UBE2O: variants seen among roughly 807,000 people sequenced by gnomAD.
The protein encoded by UBE2O is ubiquitin conjugating enzyme E2 O.
UBE2O carries 15 observed loss-of-function variants against 125.8 expected under a neutral mutation model. The ratio of observed to expected loss-of-function variants is 0.12; its 90% CI spans 0.08 to 0.18. UBE2O has a LOEUF of 0.18. Among genes scored for constraint, UBE2O ranks in the 10% least tolerant of loss-of-function variants. The pLI is 1.00. For missense variants in UBE2O, 1,280 were observed against 1,723.6 expected (o/e 0.74, Z 4.56); for synonymous variants, 708 against 703.2 (o/e 1.01, Z -0.11).
At chr17:76,407,991 G>A (rs931580264) in intron 1 of UBE2O, among the ~76,000 whole-genome samples, 3 of 152,224 alleles carry the variant, frequency 2.0e-5, no homozygotes, top group African/African-American at 7.2e-5. Context: ...CTTCCACTGG[G>A]AATTAGAACC....
chr17:76,401,048 A>G lies in UBE2O; in HGVS notation c.857T>C (p.Leu286Pro). The G allele has an allele frequency of 6.2e-7, 1 of 1,613,868 alleles. No individual in the cohort carries two copies. The highest frequency in any genetic ancestry group is 1.1e-5 in the South Asian group (1 of 91,078). Reference protein sequence around the residue: ...VQWLSGVKPVLSTKSKFRVVV... With the variant: ...VQWLSGVKPVPSTKSKFRVVV... ...CACTCGGAACTTGCTCTTGGTGCTG[A>G]GCACGGGCTTGACACCTGACAGCCA... The change falls in exon 6 of 18, where the codon CTC becomes CCC. Residue 286 changes from leucine (L) to proline (P), a missense_variant. Physicochemically the swap from Leu to Pro is moderately conservative, Grantham distance 98 (BLOSUM62 -3). Transcript: ENST00000319380.
intron 1 of UBE2O, among the ~76,000 whole-genome samples, chr17:76,412,875 G>A (rs1263615584): frequency 6.6e-6 from 1 of 152,150 alleles, no homozygotes; most frequent in Admixed American, 6.5e-5. Flanking sequence ...GGGCGTGGTG[G>A]TGGGCACCTG....
intron 1 of UBE2O, among the ~76,000 whole-genome samples, chr17:76,421,767 C>T (rs1195429888): frequency 6.6e-6 from 1 of 152,232 alleles, no homozygotes; most frequent in Non-Finnish European, 1.5e-5. Flanking sequence ...CTGAGAAGGG[C>T]TTGTGGCCTT....
rs1233630850 is a variant in UBE2O at position 76,390,080 on chromosome 17, G to C, written c.*863C>G. On this transcript the variant is annotated 3_prime_UTR_variant, in exon 18 of 18. Coordinates refer to ENST00000319380, the MANE Select transcript of UBE2O (RefSeq NM_022066.4). ...GGCCTTCTAGTCCAAGAGAGGGCTGGCTCGCTTGGAGTTCAGTGAGCTGCA... is the reference window on the plus strand; with the variant it reads ...GGCCTTCTAGTCCAAGAGAGGGCTGCCTCGCTTGGAGTTCAGTGAGCTGCA... 2.6e-5 allele frequency: 4 copies of C among 152,548 alleles called. No individual in the cohort carries two copies. Among genetic ancestry groups the C allele is most frequent in the Non-Finnish European group, 5.9e-5 (4 of 68,080 alleles). The allele number at this position is 152,548 out of a possible 1,614,324, so 9.4% of individuals were successfully genotyped here.
chr17:76,399,852 C>G lies in UBE2O; in HGVS notation c.1225G>C (p.Asp409His). ...SCSPDTQCSR[D>H]HSMEDPDKKG... The stretch of plus-strand genomic sequence containing the variant: ...TTGTCTGGGTCTTCCATGGAATGGT[C>G]CCGGGAACACTGGGTGTCTGGGGAG... The change falls in exon 9 of 18, where the codon GAC becomes CAC. Residue 409 changes from aspartate (D) to histidine (H), a missense_variant. Coordinates refer to ENST00000319380, the MANE Select transcript of UBE2O (RefSeq NM_022066.4). This position sits in a 1 kb window ranked among gnomAD's most constrained non-coding sequence, Gnocchi z 6.9. The G allele has an allele frequency of 6.2e-7, 1 of 1,613,972 alleles. No homozygotes were observed. Among genetic ancestry groups the G allele is most frequent in the Non-Finnish European group, 8.5e-7 (1 of 1,179,928 alleles).
chr17:76,425,357 C>T (rs1454596009), intron 1 of UBE2O, among the ~76,000 whole-genome samples: 2 of 150,800 alleles, frequency 1.3e-5, no homozygotes, highest in African/African-American at 2.4e-5. Flanking sequence ...ACAATGCATG[C>T]CTAAGTTAAA....
rs765017989 is a variant in UBE2O, at chr17:76,391,469, C to T, written c.3353G>A (p.Arg1118Gln). 17 of 1,613,878 alleles carry T rather than the reference C, an allele frequency of 1.1e-5. No homozygotes were observed. The highest frequency in any genetic ancestry group is 6.7e-5 in the Admixed American group (4 of 60,030). The change falls in exon 18 of 18, where the codon CGG (arginine) becomes CAG (glutamine). Residue 1118 changes from arginine to glutamine, a missense_variant. By Grantham distance (43) the Arg-to-Gln change is conservative. This residue lies in a region of UBE2O where 233 missense variants were observed against 279.0 expected (regional missense o/e 0.84). Transcript: ENST00000319380. This position sits in a 1 kb window ranked among gnomAD's most constrained non-coding sequence, Gnocchi z 8.4. ...VVQSMTQLVRRPPEVFEQEIR... is the reference protein window; with the variant it reads ...VVQSMTQLVRQPPEVFEQEIR... ...CTCCTGCTCAAAGACCTCGGGGGGC[C>T]GCCGCACCAGCTGGGTCATGGACTG...
chr17:76,416,691 A>G (rs2072622083), intron 1 of UBE2O, among the ~76,000 whole-genome samples: 1 of 152,166 alleles, frequency 6.6e-6, no homozygotes, highest in South Asian at 2.1e-4. Flanking sequence ...CATCACTGGG[A>G]CACCAGCTGG....
Position 76,395,812 on chromosome 17 carries a change from C to A in UBE2O, c.2859G>T (p.Lys953Asn). 1 of 1,614,230 alleles carries A rather than the reference C, an allele frequency of 6.2e-7. No individual in the cohort carries two copies. Among genetic ancestry groups the A allele is most frequent in the Non-Finnish European group, 8.5e-7 (1 of 1,180,046 alleles). The change falls in exon 15 of 18, where the codon AAG becomes AAT. Residue 953 changes from lysine to asparagine, a missense_variant. Lys to Asn is a moderately conservative substitution (Grantham distance 94). This residue lies in a region of UBE2O where 116 missense variants were observed against 154.8 expected (regional missense o/e 0.75). Coordinates refer to ENST00000319380, the MANE Select transcript of UBE2O (RefSeq NM_022066.4). The surrounding 1 kb of genome is among the most constrained non-coding windows in gnomAD (Gnocchi z 5.0). ...TCTCCTTCCGCACTGTGCTGAAGAA[C>A]TTCTTGGCTTCTGGAGGCTGGAACT... ...KIEFQPPEAK[K>N]FFSTVRKEMA...
At chr17:76,417,697 C>T (rs767422684) in intron 1 of UBE2O, among the ~76,000 whole-genome samples, 11 of 135,294 alleles carry the variant, frequency 8.1e-5, no homozygotes, top group Non-Finnish European at 1.6e-4. Flanking sequence ...GAAGGGCCTT[C>T]GACTACAGGA....
rs373851595 is a variant in UBE2O, at chr17:76,390,869, G to A, written c.*74C>T. ...GGGACAGAGGGGCATGGGAAGAGGGGTGATTCCGGGGGGGAGTGAGCAGGC... is the reference window on the plus strand; with the variant it reads ...GGGACAGAGGGGCATGGGAAGAGGGATGATTCCGGGGGGGAGTGAGCAGGC... On this transcript the variant is annotated 3_prime_UTR_variant, in exon 18 of 18. Transcript: ENST00000319380. 6.9e-7 allele frequency: 1 copy of A among 1,457,456 alleles called. No homozygotes were observed. The highest frequency in any genetic ancestry group is 9.2e-7 in the Non-Finnish European group (1 of 1,082,538). 90.3% of individuals were successfully genotyped at this position (1,457,456 alleles called of 1,614,324 possible).
At chr17:76,393,633 G>C (rs1193418556) in intron 15 of UBE2O, among the ~76,000 whole-genome samples, 1 of 152,200 alleles carries the variant, frequency 6.6e-6, no homozygotes, top group Non-Finnish European at 1.5e-5. Context: ...CAAGCTGAAA[G>C]GCAGTTCCAG....
chr17:76,403,583 A>G lies in UBE2O; in HGVS notation c.589-884T>C, dbSNP rs566814704. ...CACTGCGCCCGTGAACTCTGCCTGA[A>G]CTCATATATTTTAATATACACATAG... On this transcript the variant is annotated intron_variant, in intron 3 of 17. Transcript: ENST00000319380. Among the ~76,000 whole-genome samples the G allele has an allele frequency of 5.1e-4, 77 of 152,008 alleles. 1 individual carries two copies. The highest frequency in any genetic ancestry group is 1.0e-3 in the Non-Finnish European group (71 of 67,978).
At chr17:76,403,923 A>T (rs2143723559) in intron 3 of UBE2O, among the ~76,000 whole-genome samples, 1 of 152,352 alleles carries the variant, frequency 6.6e-6, no homozygotes, top group South Asian at 2.1e-4. Flanking sequence ...ATCTGGGACC[A>T]TCCAAGCAAC....
At position 76,453,004 on chromosome 17, in the gene UBE2O, C is replaced by T. The variant is rs987280665; in HGVS notation, c.138G>A (p.Pro46=). The change falls in exon 1 of 18, where the codon CCG becomes CCA. Residue 46 remains proline (P), a synonymous_variant. Coordinates refer to ENST00000319380, the MANE Select transcript of UBE2O (RefSeq NM_022066.4). ...CGGCTTCTGGGCCGGAGTCCGAGGA[C>T]GGCCCGGAGGCCGAGTCCGAGGCGG... is the stretch of plus-strand genomic sequence containing the variant. ...PAPASDSASG[P]SSDSGPEAGS... 2.7e-6 allele frequency: 4 copies of T among 1,487,296 alleles called. No individual in the cohort carries two copies. The highest frequency in any genetic ancestry group is 4.8e-5 in the Admixed American group (2 of 41,722). 92.1% of individuals were successfully genotyped at this position (1,487,296 alleles called of 1,614,324 possible). A position where few individuals can be genotyped will look rare whatever the true frequency, so the allele number is the denominator to read the frequency against.
intron 1 of UBE2O, among the ~76,000 whole-genome samples, chr17:76,412,823 C>T (rs1014087416): frequency 6.6e-6 from 1 of 152,198 alleles, no homozygotes; most frequent in African/African-American, 2.4e-5. Context: ...GCCTGGCCAA[C>T]ACGGTGAAAC....
Position 76,398,235 on chromosome 17 carries a change from A to G in UBE2O, c.2025+20T>C, listed in dbSNP as rs1444652399. 1 of 1,614,026 alleles carries G rather than the reference A, an allele frequency of 6.2e-7. No individual in the cohort carries two copies. The highest frequency in any genetic ancestry group is 1.7e-5 in the Admixed American group (1 of 60,026). On this transcript the variant is annotated intron_variant, in intron 12 of 17. Transcript: ENST00000319380. The surrounding 1 kb of genome is among the most constrained non-coding windows in gnomAD (Gnocchi z 5.4). ...ACAGGGCAGTGAGCAGCCATCCAGA[A>G]CTTGAATTTGAAGGCGTACCTCATC...
At position 76,398,976 on chromosome 17, in the gene UBE2O, C is replaced by T; in HGVS notation, c.1644G>A (p.Val548=). ...CGTCGGCTGAGGTCATCGTGGTCACCACCTCCACTGCCACCCTGCGGGTGC... is the reference window on the plus strand; with the variant it reads ...CGTCGGCTGAGGTCATCGTGGTCACTACCTCCACTGCCACCCTGCGGGTGC... ...FKPGDRVAVE[V]VTTMTSADVM... is the part of the protein sequence containing the mutation. The change falls in exon 10 of 18, where the codon GTG becomes GTA. Residue 548 remains valine, a synonymous_variant. Transcript: ENST00000319380. This position sits in a 1 kb window ranked among gnomAD's most constrained non-coding sequence, Gnocchi z 5.4. The T allele has an allele frequency of 5.0e-6, 8 of 1,613,972 alleles. No homozygotes were observed. Among genetic ancestry groups the T allele is most frequent in the Non-Finnish European group, 6.8e-6 (8 of 1,179,998 alleles).
chr17:76,408,278 C>T (rs1477974552), intron 1 of UBE2O, among the ~76,000 whole-genome samples: 1 of 152,226 alleles, frequency 6.6e-6, no homozygotes, highest in Admixed American at 6.5e-5. Context: ...TTTTTCGCCT[C>T]ATGCTAACCA....
Sources: gnomAD v4.1 joint callset for allele counts (sites outside exome capture counted in the v4.1 genomes callset) on GRCh38, gnomAD v4.1.1 for gene constraint, gnomAD v4.1.1 regional missense constraint, Gnocchi (gnomAD v3.1) non-coding constraint, MANE v1.5 for transcripts, NCBI Gene and HGNC (gene_info 2026-07-23, HGNC 2026-07-21) for gene names.